UNC5B: variants seen among roughly 807,000 people sequenced by gnomAD.
UNC5B encodes the protein netrin receptor UNC5B.
In UNC5B, 56 loss-of-function variants were observed where a neutral mutation model predicts 103.7. That is an observed-to-expected ratio of 0.54 (90% confidence interval 0.44 to 0.67). The LOEUF (loss-of-function observed/expected upper bound fraction) is 0.67, where lower values mean the gene tolerates loss of function less well. UNC5B is among the 30% of genes least tolerant of loss of function. UNC5B has a pLI of 0.00. For missense variants in UNC5B, 1,194 were observed against 1,284.5 expected (o/e 0.93, Z 1.08); for synonymous variants, 577 against 542.0 (o/e 1.06, Z -0.90).
At chr10:71,219,841 G>A (rs886175153) in intron 1 of UNC5B, among the ~76,000 whole-genome samples, 2 of 152,214 alleles carry the variant, frequency 1.3e-5, no homozygotes, top group South Asian at 2.1e-4. Context: ...GCAGAGCCAA[G>A]GTTTTAAGGC....
At chr10:71,219,590 C>A (rs186350077) in intron 1 of UNC5B, among the ~76,000 whole-genome samples, 118 of 152,328 alleles carry the variant, frequency 7.7e-4, no homozygotes, top group Non-Finnish European at 4.0e-4. Context: ...AAATGTTAAT[C>A]TCCTTTGGCA....
intron 2 of UNC5B, 83 bp from the exon 3 acceptor site, chr10:71,284,637 C>A: frequency 1.3e-6 from 2 of 1,585,996 alleles, no homozygotes. Flanking sequence ...CCAGCAGGAT[C>A]CGAGGTGGAA....
intron 2 of UNC5B, among the ~76,000 whole-genome samples, chr10:71,281,205 G>A (rs984701366): frequency 1.3e-5 from 2 of 152,018 alleles, no homozygotes; most frequent in Non-Finnish European, 1.5e-5. Context: ...ATGTACTCGA[G>A]GTCACTGAAC....
Position 71,213,726 on chromosome 10 carries a change from A to AGTGTGTGTGTGTGT in UNC5B, c.79+663_79+664insTGTGTGTGTGTGTG, listed in dbSNP as rs1238732312. Among the ~76,000 whole-genome samples, 37 of 81,846 alleles carry AGTGTGTGTGTGTGT rather than the reference A, an allele frequency of 4.5e-4. No homozygotes were observed. The highest frequency in any genetic ancestry group is 1.9e-3 in the African/African-American group (36 of 19,022). The allele number at this position is 81,846 out of a possible 152,430, so 53.7% of individuals were successfully genotyped here. A position where few individuals can be genotyped will look rare whatever the true frequency, so the allele number is the denominator to read the frequency against. ...TTATTATTAATTTTCTGAGTGTTGG[A>AGTGTGTGTGTGTGT]GAGTGTGTGTGTGTGTGTGTGTGTG... On this transcript the variant is annotated intron_variant, in intron 1 of 16. Coordinates refer to ENST00000335350, the MANE Select transcript of UNC5B (RefSeq NM_170744.5). This position sits in a 1 kb window ranked among gnomAD's most constrained non-coding sequence, Gnocchi z 4.1.
At chr10:71,218,866 G>A (rs1299487946) in intron 1 of UNC5B, among the ~76,000 whole-genome samples, 2 of 152,208 alleles carry the variant, frequency 1.3e-5, no homozygotes, top group African/African-American at 4.8e-5. Flanking sequence ...GATCCCCAGT[G>A]GAGAACCCCA....
At chr10:71,296,041 C>A in intron 14 of UNC5B, 81 bp downstream of exon 14, 1 of 1,587,098 alleles carries the variant, frequency 6.3e-7, no homozygotes, top group Non-Finnish European at 8.6e-7. Flanking sequence ...GGCCCTGCCT[C>A]CTAGCTCTGT....
chr10:71,224,301 C>T (rs2005417), intron 1 of UNC5B, among the ~76,000 whole-genome samples: 78,337 of 119,194 alleles, frequency 0.66, 26,767 homozygotes, highest in South Asian at 0.87. Context: ...GGCACAGTGA[C>T]CCCTGCTGCA....
At chr10:71,286,648 T>A in intron 4 of UNC5B, 41 bp from the exon 5 acceptor site, 1 of 1,609,764 alleles carries the variant, frequency 6.2e-7, no homozygotes, top group Non-Finnish European at 8.5e-7. Flanking sequence ...TGATCAAACC[T>A]GTCCTGGGCC....
chr10:71,219,726 G>T (rs989030374), intron 1 of UNC5B, among the ~76,000 whole-genome samples: 1 of 152,238 alleles, frequency 6.6e-6, no homozygotes, highest in Non-Finnish European at 1.5e-5. Context: ...TCGAGGAGGT[G>T]CTGTCTGTAA....
intron 1 of UNC5B, among the ~76,000 whole-genome samples, chr10:71,269,042 A>G (rs1490750297): frequency 6.6e-6 from 1 of 152,198 alleles, no homozygotes; most frequent in Non-Finnish European, 1.5e-5. Flanking sequence ...GGGGGGAGAC[A>G]GAGAGAGATG....
At chr10:71,248,859 TCTCTCTCTCACACACACA>T (rs1176144385) in intron 1 of UNC5B, among the ~76,000 whole-genome samples, 1 of 32,110 alleles carries the variant, frequency 3.1e-5, no homozygotes, top group African/African-American at 1.1e-4. Context: ...TCTCTCTCTC[TCTCTCTCTCACACACACA>T]CACACACACA....
At chr10:71,258,423 C>T (rs1179082136) in intron 1 of UNC5B, among the ~76,000 whole-genome samples, 3 of 152,178 alleles carry the variant, frequency 2.0e-5, no homozygotes, top group African/African-American at 7.2e-5. Flanking sequence ...CTGGTGGTCT[C>T]AGCCATTTTT....
chr10:71,240,220 G>A (rs999575849), intron 1 of UNC5B, among the ~76,000 whole-genome samples: 10 of 152,234 alleles, frequency 6.6e-5, no homozygotes, highest in Admixed American at 2.6e-4. Context: ...TCTGCCATGC[G>A]GCCTGCTGCA....
At chr10:71,257,611 C>T (rs757178145) in intron 1 of UNC5B, among the ~76,000 whole-genome samples, 23 of 152,382 alleles carry the variant, frequency 1.5e-4, no homozygotes, top group South Asian at 2.1e-4. Flanking sequence ...GTGAGCTGCA[C>T]CAGCCTGGAC....
At chr10:71,228,986 ACTGGGC>A (rs1843627430) in intron 1 of UNC5B, among the ~76,000 whole-genome samples, 1 of 152,154 alleles carries the variant, frequency 6.6e-6, no homozygotes, top group Non-Finnish European at 1.5e-5. Context: ...CAAGGCAGGG[ACTGGGC>A]CTTATCCCCT....
chr10:71,261,228 G>A (rs1482237266), intron 1 of UNC5B, among the ~76,000 whole-genome samples: 1 of 152,206 alleles, frequency 6.6e-6, no homozygotes, highest in Non-Finnish European at 1.5e-5. Context: ...GGTGAATAGG[G>A]ATTAATGAGA....
chr10:71,295,908 TCCATGACCTCCC>T lies in UNC5B; in HGVS notation c.2279_2290del (p.Asp760_His763del). The T allele has an allele frequency of 6.2e-7, 1 of 1,613,272 alleles. No homozygotes were observed. The highest frequency in any genetic ancestry group is 8.5e-7 in the Non-Finnish European group (1 of 1,180,002). On this transcript the variant is annotated inframe_deletion, in exon 14 of 17. Coordinates refer to ENST00000335350, the MANE Select transcript of UNC5B (RefSeq NM_170744.5). ...AGTTACCACAACCTGCGCCTCTCCC[TCCATGACCTCCC>T]CCATGCCCATTGGAGGAGCAAGCTG...
chr10:71,265,568 C>T (rs2132285256), intron 1 of UNC5B, among the ~76,000 whole-genome samples: 1 of 152,364 alleles, frequency 6.6e-6, no homozygotes, highest in East Asian at 1.9e-4. Context: ...AGACCCTGGG[C>T]TCATGGGGGC....
At chr10:71,222,165 G>A (rs993734838) in intron 1 of UNC5B, among the ~76,000 whole-genome samples, 3 of 152,182 alleles carry the variant, frequency 2.0e-5, no homozygotes, top group African/African-American at 7.2e-5. Flanking sequence ...GAGACTTTGG[G>A]TAAATGGAGA....
Sources: allele counts gnomAD v4.1 joint callset (sites outside exome capture counted in the v4.1 genomes callset), GRCh38; gene constraint gnomAD v4.1.1; non-coding constraint Gnocchi (gnomAD v3.1); transcripts MANE v1.5; gene names NCBI Gene and HGNC (gene_info 2026-07-23, HGNC 2026-07-21).